Variants in AK9 observed in about 807,000 individuals in gnomAD.
The protein encoded by AK9 is adenylate kinase 9.
AK9 carries 191 observed loss-of-function variants against 239.6 expected under a neutral mutation model. The ratio of observed to expected loss-of-function variants is 0.80; its 90% CI spans 0.71 to 0.90. AK9 has a LOEUF of 0.90. Ranked by LOEUF, AK9 falls within the 40% of genes least tolerant of loss-of-function variation. The pLI is 0.00. For synonymous variants in AK9, 689 were observed against 721.0 expected, an observed-to-expected ratio of 0.96 and a Z score of 0.71; for missense variants, 1,995 against 2,214.7, an observed-to-expected ratio of 0.90 and a Z score of 1.99.
chr6:109,550,441 A>G (rs1784226768), intron 24 of AK9, 139 bp from the exon 25 acceptor site: 1 of 628,802 alleles, frequency 1.6e-6, no homozygotes, highest in Non-Finnish European at 2.5e-6. Flanking sequence ...TCCTTATATT[A>G]TTTTAATTAA....
In AK9 at chr6:109,644,691, G is replaced by T. The variant is rs989571326; in HGVS notation, c.760-3C>A. On this transcript the variant is annotated splice_region_variant and splice_polypyrimidine_tract_variant and intron_variant, in intron 8 of 40. Transcript: ENST00000424296. ...GGATTGTGTTCAGCCATTACTTCCT[G>T]CAGATAATAGAAAAGAAACTTTATA... The T allele has an allele frequency of 1.9e-6, 3 of 1,605,418 alleles. No homozygotes were observed. Among genetic ancestry groups the T allele is most frequent in the African/African-American group, 2.7e-5 (2 of 74,424 alleles).
At chr6:109,686,228 C>T (rs1305476251) in intron 1 of AK9, among the ~76,000 whole-genome samples, 1 of 152,144 alleles carries the variant, frequency 6.6e-6, no homozygotes, top group South Asian at 2.1e-4. Flanking sequence ...TTGCAAGTGT[C>T]CCGGATCCCC....
At chr6:109,510,708 TG>T (rs1562331126) in intron 32 of AK9, among the ~76,000 whole-genome samples, 1 of 152,216 alleles carries the variant, frequency 6.6e-6, no homozygotes, top group African/African-American at 2.4e-5. Context: ...ACTCTTCACT[TG>T]TCTGCCTACC....
chr6:109,521,384 T>G (rs1779849122), intron 29 of AK9, among the ~76,000 whole-genome samples: 2 of 152,044 alleles, frequency 1.3e-5, no homozygotes, highest in African/African-American at 4.8e-5. Context: ...ATCGAGTGCT[T>G]ATAACTTTAA....
intron 25 of AK9, 23 bp from the exon 26 acceptor site, chr6:109,546,150 G>GGGGGGGGTT: frequency 9.6e-7 from 1 of 1,040,408 alleles, no homozygotes; most frequent in Non-Finnish European, 1.4e-6. Context: ...GTGGGTCAGG[G>GGGGGGGGTT]AGGGGTGGGA....
chr6:109,561,240 C>T (rs543665947), intron 24 of AK9, among the ~76,000 whole-genome samples: 2 of 152,228 alleles, frequency 1.3e-5, no homozygotes, highest in South Asian at 2.1e-4. Flanking sequence ...GCGTGAGCCA[C>T]CATGCCCAGC....
chr6:109,533,557 AAGGT>A (rs1250655031), intron 27 of AK9, 87 bp from the exon 28 acceptor site: 5 of 1,051,670 alleles, frequency 4.8e-6, no homozygotes, highest in South Asian at 2.1e-5. Context: ...ATCATTATAC[AAGGT>A]ATATTAAGTC....
rs73762768 is a variant in AK9, at chr6:109,597,081, T to C, written c.1843-11009A>G. Among the ~76,000 whole-genome samples the C allele has an allele frequency of 4.4e-3, 676 of 152,322 alleles. 8 individuals carry two copies. Among genetic ancestry groups the C allele is most frequent in the African/African-American group, 0.016 (652 of 41,578 alleles). On this transcript the variant is annotated intron_variant, in intron 17 of 40. Coordinates refer to ENST00000424296, the MANE Select transcript of AK9 (RefSeq NM_001145128.3). ...CTTTATTTTACTAACATTGTGTTTT[T>C]TTTTACAACATCTGTAAATCTTTGT...
intron 8 of AK9, among the ~76,000 whole-genome samples, chr6:109,647,275 T>C (rs1798195929): frequency 6.6e-6 from 1 of 152,198 alleles, no homozygotes; most frequent in Admixed American, 6.5e-5. Flanking sequence ...AATGCTCCAA[T>C]TAAAAGACAC....
chr6:109,563,669 A>T lies in AK9; in HGVS notation c.2679T>A (p.Tyr893Ter), dbSNP rs1404138894. Residue 893 changes from tyrosine to a stop codon, truncating the protein, a stop_gained, in exon 24 of 41, where the codon TAT (tyrosine) becomes TAA (stop). Coordinates refer to ENST00000424296, the MANE Select transcript of AK9 (RefSeq NM_001145128.3). LOFTEE classifies it high-confidence loss of function. ...YTAWELTGED[Y>*]EEETEDYQTE... ...TCTGGTAGTCTTCTGTTTCTTCCTC[A>T]TAATCTTCCCCAGTTAACTCCCATG... is the stretch of plus-strand genomic sequence containing the variant. 6.4e-6 allele frequency: 10 copies of T among 1,550,714 alleles called. No individual in the cohort carries two copies. Among genetic ancestry groups the T allele is most frequent in the Non-Finnish European group, 7.9e-6 (9 of 1,146,192 alleles).
chr6:109,525,318 C>G (rs569180318), intron 29 of AK9, among the ~76,000 whole-genome samples: 3 of 152,128 alleles, frequency 2.0e-5, no homozygotes, highest in Admixed American at 1.3e-4. Context: ...CAAGTGGGAC[C>G]TAATTAAACT....
Position 109,509,231 on chromosome 6 carries a change from C to T in AK9, c.4429G>A (p.Ala1477Thr), listed in dbSNP as rs1203404914. Reference protein sequence around the residue: ...HKGMTAPDELAIQALELSLME... With the variant: ...HKGMTAPDELTIQALELSLME... The stretch of plus-strand genomic sequence containing the variant: ...AGAGAAAGTTCTAAGGCTTGAATAG[C>T]CAGTTCATCAGGTGCTGTCATTCCT... The change falls in exon 33 of 41, where the codon GCT (alanine) becomes ACT (threonine). Residue 1477 changes from alanine to threonine, a missense_variant. This residue lies in a region of AK9 where 45 missense variants were observed against 80.5 expected (regional missense o/e 0.56). Coordinates refer to ENST00000424296, the MANE Select transcript of AK9 (RefSeq NM_001145128.3). 4.5e-6 allele frequency: 7 copies of T among 1,552,100 alleles called. No homozygotes were observed. The highest frequency in any genetic ancestry group is 1.4e-5 in the African/African-American group (1 of 73,136).
In AK9 at chr6:109,610,357, T is replaced by C. The variant is rs911765061; in HGVS notation, c.1842+8A>G. ...CACTGATAAGAATTGCCCAGCTAGATTTTTTACCTCTCCAAGGACTTCCTG... is the reference window on the plus strand; with the variant it reads ...CACTGATAAGAATTGCCCAGCTAGACTTTTTACCTCTCCAAGGACTTCCTG... On this transcript the variant is annotated splice_region_variant and intron_variant, in intron 17 of 40. Transcript: ENST00000424296. 10 of 1,551,048 alleles carry C rather than the reference T, an allele frequency of 6.4e-6. 1 individual carries two copies. The South Asian group carries it at 1.1e-4, about 17-fold the overall frequency.
At chr6:109,534,604 A>ATT (rs1309690362) in intron 27 of AK9, among the ~76,000 whole-genome samples, 1 of 151,088 alleles carries the variant, frequency 6.6e-6, no homozygotes, top group Non-Finnish European at 1.5e-5. Context: ...ATATATATAT[A>ATT]TTTTTATTTA....
chr6:109,618,729 T>C (rs1215433238), intron 13 of AK9, among the ~76,000 whole-genome samples: 1 of 152,172 alleles, frequency 6.6e-6, no homozygotes, highest in Non-Finnish European at 1.5e-5. Context: ...AGGACTGCCA[T>C]ATAAGTCTAA....
rs1787890634 is a variant in AK9 at position 109,575,087 on chromosome 6, C to T, written c.2192-1493G>A. Among the ~76,000 whole-genome samples the T allele has an allele frequency of 1.3e-5, 2 of 152,074 alleles. 1 individual carries two copies. The highest frequency in any genetic ancestry group is 4.1e-4 in the South Asian group (2 of 4,828). ...TATTCCATGGAATATATATATATCA[C>T]ATGTTCTTTATCCACTCGGTTGATG... is the stretch of plus-strand genomic sequence containing the variant. On this transcript the variant is annotated intron_variant, in intron 20 of 40. Transcript: ENST00000424296.
rs1236226831 is a variant in AK9 at position 109,563,382 on chromosome 6, T to C, written c.2751+215A>G. 4.9e-4 allele frequency among the ~76,000 whole-genome samples: 74 copies of C among 152,202 alleles called. 1 individual carries two copies. Among genetic ancestry groups the C allele is most frequent in the Admixed American group, 4.8e-3 (74 of 15,280 alleles). On this transcript the variant is annotated intron_variant, in intron 24 of 40. Coordinates refer to ENST00000424296, the MANE Select transcript of AK9 (RefSeq NM_001145128.3). Reference sequence around the variant, plus strand: ...ATTTAAAACTTAAACTTTTTTTCCATGCAAAATAGTTTCCTTTTATCTTTT... The same window carrying C: ...ATTTAAAACTTAAACTTTTTTTCCACGCAAAATAGTTTCCTTTTATCTTTT...
chr6:109,648,452 A>C (rs1392870329), intron 8 of AK9, among the ~76,000 whole-genome samples: 1 of 152,228 alleles, frequency 6.6e-6, no homozygotes, highest in Non-Finnish European at 1.5e-5. Context: ...ATAAGAGAAT[A>C]CTATAAATAC....
chr6:109,645,537 GGTAA>G, intron 8 of AK9, among the ~76,000 whole-genome samples: 1 of 152,342 alleles, frequency 6.6e-6, no homozygotes, highest in South Asian at 2.1e-4. Flanking sequence ...GGCTTGACTA[GGTAA>G]ACAAAGCAGC....
Sources: gnomAD v4.1 joint callset for allele counts (sites outside exome capture counted in the v4.1 genomes callset) on GRCh38, gnomAD v4.1.1 for gene constraint, gnomAD v4.1.1 regional missense constraint, MANE v1.5 for transcripts, NCBI Gene and HGNC (gene_info 2026-07-23, HGNC 2026-07-21) for gene names.